GABPB2: variants seen among roughly 807,000 people sequenced by gnomAD.
GABPB2 encodes the protein GA-binding protein subunit beta-2.
In GABPB2, 23 loss-of-function variants were observed where a neutral mutation model predicts 39.1. That is an observed-to-expected ratio of 0.59 (90% CI 0.42 to 0.83). The LOEUF (loss-of-function observed/expected upper bound fraction) is 0.83. GABPB2 is among the 40% of genes least tolerant of loss of function. The pLI, the probability that GABPB2 is intolerant of heterozygous loss-of-function variation, is 0.00. For missense variants in GABPB2, 467 were observed against 541.1 expected, an observed-to-expected ratio of 0.86 and a Z score of 1.36; for synonymous variants, 184 against 199.3, an observed-to-expected ratio of 0.92 and a Z score of 0.65.
chr1:151,104,294 T>G (rs74127505), intron 6 of GABPB2, among the ~76,000 whole-genome samples: 3,711 of 152,318 alleles, frequency 0.024, 103 homozygotes, highest in African/African-American at 0.073. Flanking sequence ...ATAGTCATAG[T>G]TAGGGCTCAG....
chr1:151,085,613 A>G (rs903395374), intron 1 of GABPB2, among the ~76,000 whole-genome samples: 33 of 151,558 alleles, frequency 2.2e-4, no homozygotes, highest in Admixed American at 6.6e-5. Context: ...GCTAATATAT[A>G]TATATATATT....
intron 5 of GABPB2, among the ~76,000 whole-genome samples, chr1:151,102,780 T>C (rs1306525441): frequency 2.0e-5 from 3 of 152,112 alleles, no homozygotes; most frequent in African/African-American, 7.2e-5. Flanking sequence ...GTACTAGAGG[T>C]GAATCCTATT....
intron 1 of GABPB2, among the ~76,000 whole-genome samples, chr1:151,076,886 T>C (rs937992381): frequency 8.6e-5 from 13 of 150,594 alleles, no homozygotes; most frequent in Non-Finnish European, 1.8e-4. Flanking sequence ...CTCCACCTCC[T>C]GGGTTCATGC....
At chr1:151,074,477 ATTTTTTTTT>A (rs35884850) in intron 1 of GABPB2, among the ~76,000 whole-genome samples, 1 of 135,624 alleles carries the variant, frequency 7.4e-6, no homozygotes. Context: ...TGCCCAGCTA[ATTTTTTTTT>A]TTTTTTGTAT....
intron 4 of GABPB2, among the ~76,000 whole-genome samples, chr1:151,097,456 A>G (rs1253244208): frequency 2.0e-5 from 3 of 152,000 alleles, no homozygotes; most frequent in African/African-American, 7.2e-5. Flanking sequence ...GGAGTGGAAT[A>G]TGCTGTTCAG....
In GABPB2 at chr1:151,109,364, A is replaced by T. The variant is rs770765246; in HGVS notation, c.922+2142A>T. Among the ~76,000 whole-genome samples the T allele has an allele frequency of 7.3e-3, 824 of 112,344 alleles. 11 individuals carry two copies. The highest frequency in any genetic ancestry group is 0.021 in the African/African-American group (615 of 29,624). The allele number at this position is 112,344 out of a possible 152,430, so 73.7% of individuals were successfully genotyped here. A position where few individuals can be genotyped will look rare whatever the true frequency, so the allele number is the denominator to read the frequency against. On this transcript the variant is annotated intron_variant, in intron 7 of 8. Coordinates refer to ENST00000368918, the MANE Select transcript of GABPB2 (RefSeq NM_144618.3). ...CACAAATATATATATATATATATAT[A>T]TTTTTTTTTTTGAGTCAGAATCTTG...
At position 151,090,444 on chromosome 1, in the gene GABPB2, T is replaced by C; in HGVS notation, c.147T>C (p.Gly49=). 6.2e-7 allele frequency: 1 copy of C among 1,614,032 alleles called. No individual in the cohort carries two copies. Among genetic ancestry groups the C allele is most frequent in the Non-Finnish European group, 8.5e-7 (1 of 1,179,990 alleles). The part of the protein sequence containing the change: ...TSPLHLAAQY[G]HYSTAEVLLR... The stretch of plus-strand genomic sequence containing the variant: ...CCCTCCACCTTGCAGCTCAATATGG[T>C]CATTATTCCACAGCAGAAGTACTCC... The change falls in exon 3 of 9, where the codon GGT becomes GGC. Residue 49 remains glycine, a synonymous_variant. Transcript: ENST00000368918.
Position 151,090,493 on chromosome 1 carries a change from G to T in GABPB2, c.196G>T (p.Ala66Ser). The T allele has an allele frequency of 1.2e-6, 2 of 1,614,120 alleles. No individual in the cohort carries two copies. Among genetic ancestry groups the T allele is most frequent in the Non-Finnish European group, 1.7e-6 (2 of 1,179,988 alleles). The change falls in exon 3 of 9, where the codon GCC becomes TCC. Residue 66 changes from alanine to serine, a missense_variant. Physicochemically the swap from Ala to Ser is moderately conservative, Grantham distance 99. Transcript: ENST00000368918. ...CCTTCGAGCAGGTGTTAGCAGGGAT[G>T]CCCGGACTAAAGTAGACAGGACCCC... Reference protein sequence around the residue: ...VLLRAGVSRDARTKVDRTPLH... With the variant: ...VLLRAGVSRDSRTKVDRTPLH...
intron 1 of GABPB2, among the ~76,000 whole-genome samples, chr1:151,085,609 A>G (rs1193220379): frequency 2.7e-5 from 4 of 150,300 alleles, no homozygotes; most frequent in Non-Finnish European, 4.5e-5. Flanking sequence ...CCTGGCTAAT[A>G]TATATATATA....
chr1:151,110,526 A>G lies in GABPB2; in HGVS notation c.922+3304A>G, dbSNP rs907063249. Among the ~76,000 whole-genome samples, 8 of 152,032 alleles carry G rather than the reference A, an allele frequency of 5.3e-5. No individual in the cohort carries two copies. The South Asian group carries it at 1.0e-3, about 20-fold the overall frequency. ...ATGTATTTATTTATTTAGAGGTGCA[A>G]TCTCAGCTCCCTGCAACCTCAACCT... On this transcript the variant is annotated intron_variant, in intron 7 of 8. Transcript: ENST00000368918.
Position 151,121,810 on chromosome 1 carries a change from G to A in GABPB2, c.*3554G>A, listed in dbSNP as rs1186719700. 3.9e-5 allele frequency: 6 copies of A among 152,188 alleles called. No homozygotes were observed. The highest frequency in any genetic ancestry group is 2.0e-4 in the Admixed American group (3 of 15,258). 9.4% of individuals were successfully genotyped at this position (152,188 alleles called of 1,614,324 possible). Reference sequence around the variant, plus strand: ...AAGAAAGGGAATATGGATGGAGAGAGAGAGGTTATGAACAGGTTATGTTAC... The same window carrying A: ...AAGAAAGGGAATATGGATGGAGAGAAAGAGGTTATGAACAGGTTATGTTAC... On this transcript the variant is annotated 3_prime_UTR_variant, in exon 9 of 9. Coordinates refer to ENST00000368918, the MANE Select transcript of GABPB2 (RefSeq NM_144618.3).
Position 151,097,787 on chromosome 1 carries a change from AAAAG to A in GABPB2, c.472-59_472-56del, listed in dbSNP as rs375637723. On this transcript the variant is annotated intron_variant, in intron 4 of 8. Coordinates refer to ENST00000368918, the MANE Select transcript of GABPB2 (RefSeq NM_144618.3). ...GAGTGAGACTGTCTCAAAAAAAAAA[AAAAG>A]AAAGACAGAAAAGAAAAGCTAATAA... 1.3e-4 allele frequency: 198 copies of A among 1,529,804 alleles called. No homozygotes were observed. In the African/African-American group the frequency reaches 2.0e-3, roughly 15 times the overall value. The allele number at this position is 1,529,804 out of a possible 1,614,324, so 94.8% of individuals were successfully genotyped here. A position where few individuals can be genotyped will look rare whatever the true frequency, so the allele number is the denominator to read the frequency against.
chr1:151,081,642 T>TA (rs1378814699), intron 1 of GABPB2, among the ~76,000 whole-genome samples: 1 of 149,756 alleles, frequency 6.7e-6, no homozygotes, highest in African/African-American at 2.4e-5. Context: ...TATTATTTAT[T>TA]TTTTTTTTTT....
intron 5 of GABPB2, among the ~76,000 whole-genome samples, chr1:151,100,922 A>G (rs587638110): frequency 2.6e-5 from 4 of 152,172 alleles, no homozygotes; most frequent in Admixed American, 6.6e-5. Flanking sequence ...TGGAAAGAAT[A>G]TTTAAGCATA....
Position 151,090,587 on chromosome 1 carries a change from A to C in GABPB2, c.276+14A>C. The C allele has an allele frequency of 6.2e-7, 1 of 1,612,768 alleles. No homozygotes were observed. The highest frequency in any genetic ancestry group is 8.5e-7 in the Non-Finnish European group (1 of 1,179,134). On this transcript the variant is annotated intron_variant, in intron 3 of 8. Transcript: ENST00000368918. ...CTGCTTGTTCGGGTAAAGCAAGAAT[A>C]GGGGCAAGGTTATGTTGTTAAAAAG... is the stretch of plus-strand genomic sequence containing the variant.
intron 3 of GABPB2, among the ~76,000 whole-genome samples, chr1:151,091,769 G>A (rs114950269): frequency 0.031 from 4,672 of 151,830 alleles, 102 homozygotes; most frequent in Middle Eastern, 0.051. Flanking sequence ...GAGCCACCAC[G>A]CCCGGCCCTA....
At chr1:151,097,194 G>T (rs587744380) in intron 4 of GABPB2, among the ~76,000 whole-genome samples, 72 of 152,096 alleles carry the variant, frequency 4.7e-4, no homozygotes, top group Admixed American at 9.8e-4. Context: ...TTACAGGCAT[G>T]AGCCACCGTG....
intron 7 of GABPB2, among the ~76,000 whole-genome samples, chr1:151,110,005 ATTTTTTTTTTT>A (rs71577269): frequency 2.5e-4 from 15 of 60,752 alleles, no homozygotes; most frequent in African/African-American, 6.1e-4. Flanking sequence ...TGCCCAGCTA[ATTTTTTTTTTT>A]TTTTTTTTTT....
At chr1:151,107,385 C>T (rs1281040460) in intron 7 of GABPB2, among the ~76,000 whole-genome samples, 163 bp downstream of exon 7, 5 of 151,954 alleles carry the variant, frequency 3.3e-5, no homozygotes, top group Non-Finnish European at 5.9e-5. Flanking sequence ...ACCAGACTGG[C>T]AAAAGCTAAT....
Sources: gnomAD v4.1 joint callset for allele counts (sites outside exome capture counted in the v4.1 genomes callset) on GRCh38, gnomAD v4.1.1 for gene constraint, MANE v1.5 for transcripts, NCBI Gene and HGNC (gene_info 2026-07-23, HGNC 2026-07-21) for gene names.